The following BST1 variants were observed in gnomAD, a reference collection of about 807,000 sequenced individuals.
BST1 encodes bone marrow stromal cell antigen 1.
BST1 carries 49 observed loss-of-function variants against 40.6 expected under a neutral mutation model. The observed-to-expected ratio is 1.21, with a 90% confidence interval of 0.96 to 1.53. The LOEUF (loss-of-function observed/expected upper bound fraction) is 1.53. Ranked by LOEUF, BST1 falls within the 40% of genes most tolerant of loss-of-function variation. BST1 has a pLI of 0.00. For synonymous variants in BST1, 157 were observed against 159.3 expected (o/e 0.99, Z 0.11); for missense variants, 423 against 395.9 (o/e 1.07, Z -0.58).
chr4:15,762,426 A>G, the BST1 span, among the ~76,000 whole-genome samples: 48 of 151,994 alleles, frequency 3.2e-4, 1 homozygote, highest in African/African-American at 1.1e-3. Flanking sequence ...TATTACATTT[A>G]AAGTTCATTT....
chr4:15,746,633 A>G, the BST1 span, among the ~76,000 whole-genome samples: 1 of 152,168 alleles, frequency 6.6e-6, no homozygotes, highest in South Asian at 2.1e-4. Context: ...CCACCCCTTA[A>G]TATGGTTACT....
intron 2 of BST1, among the ~76,000 whole-genome samples, chr4:15,706,738 T>C (rs1719898725): frequency 6.6e-6 from 1 of 152,236 alleles, no homozygotes; most frequent in Non-Finnish European, 1.5e-5. Flanking sequence ...TGAACCTTGC[T>C]GCCCTCCTGT....
the BST1 span, among the ~76,000 whole-genome samples, chr4:15,766,309 G>T: frequency 6.6e-6 from 1 of 151,912 alleles, no homozygotes; most frequent in African/African-American, 2.4e-5. Flanking sequence ...GAAGGTTAAG[G>T]AAAAACAACT....
At chr4:15,758,076 A>T in the BST1 span, among the ~76,000 whole-genome samples, 1 of 152,232 alleles carries the variant, frequency 6.6e-6, no homozygotes, top group Non-Finnish European at 1.5e-5. Flanking sequence ...TATAATTTAT[A>T]AATACAATGT....
intron 8 of BST1, among the ~76,000 whole-genome samples, chr4:15,724,990 C>A (rs553814860): frequency 6.6e-6 from 1 of 152,228 alleles, no homozygotes; most frequent in African/African-American, 2.4e-5. Flanking sequence ...TTCAACTGGG[C>A]GTGGCAGAGT....
chr4:15,740,913 T>G (rs1398682275), downstream of BST1, among the ~76,000 whole-genome samples: 1 of 151,634 alleles, frequency 6.6e-6, no homozygotes, highest in Admixed American at 6.6e-5. Context: ...CCATGCAACC[T>G]CTGTCGCAAC....
downstream of BST1, among the ~76,000 whole-genome samples, chr4:15,736,603 C>T (rs1388973463): frequency 2.7e-5 from 4 of 150,298 alleles, no homozygotes; most frequent in African/African-American, 9.8e-5. Context: ...GAGTGAGACT[C>T]TGTCTCCAAA....
rs146983604 is a variant in BST1 at position 15,726,551 on chromosome 4, G to A, written c.851+3617G>A. Among the ~76,000 whole-genome samples, 201 of 152,284 alleles carry A rather than the reference G, an allele frequency of 1.3e-3. 1 individual carries two copies. The highest frequency in any genetic ancestry group is 4.5e-3 in the African/African-American group (188 of 41,560). On this transcript the variant is annotated intron_variant, in intron 8 of 8. Transcript: ENST00000265016. Reference sequence around the variant, plus strand: ...GTGTGGCTCACTTATGTGGAAAAGGGGGAATAAAGTTGTTGCAAAGATTAG... The same window carrying A: ...GTGTGGCTCACTTATGTGGAAAAGGAGGAATAAAGTTGTTGCAAAGATTAG...
At position 15,705,761 on chromosome 4, in the gene BST1, C is replaced by CAGGGCTGTGTGCTG. The variant is rs1719848774; in HGVS notation, c.315+122_315+123insGGCTGTGTGCTGAG. 16 of 1,334,916 alleles carry CAGGGCTGTGTGCTG rather than the reference C, an allele frequency of 1.2e-5. No individual in the cohort carries two copies. The South Asian group carries it at 2.0e-4, about 17-fold the overall frequency. 82.7% of individuals were successfully genotyped at this position (1,334,916 alleles called of 1,614,324 possible). A position where few individuals can be genotyped will look rare whatever the true frequency, so the allele number is the denominator to read the frequency against. On this transcript the variant is annotated intron_variant, in intron 2 of 8. Coordinates refer to ENST00000265016, the MANE Select transcript of BST1 (RefSeq NM_004334.3). ...CCTGCAATGTCACAGAAACATCAGG[C>CAGGGCTGTGTGCTG]AGCACACATAATGTGTGTGCTGAGC...
At chr4:15,725,576 A>T (rs971638836) in intron 8 of BST1, among the ~76,000 whole-genome samples, 7 of 152,172 alleles carry the variant, frequency 4.6e-5, no homozygotes, top group Admixed American at 4.6e-4. Flanking sequence ...TCAGACTTCT[A>T]GTCCCATCTT....
the BST1 span, among the ~76,000 whole-genome samples, chr4:15,747,373 C>A: frequency 6.6e-6 from 1 of 151,884 alleles, no homozygotes; most frequent in Admixed American, 6.6e-5. Flanking sequence ...TTGCTGCCAC[C>A]AAGCCTCCAC....
At chr4:15,769,832 T>C in the BST1 span, among the ~76,000 whole-genome samples, 1 of 152,106 alleles carries the variant, frequency 6.6e-6, no homozygotes, top group Non-Finnish European at 1.5e-5. Flanking sequence ...TTTCCACTTT[T>C]AAAATGTAGT....
downstream of BST1, among the ~76,000 whole-genome samples, chr4:15,735,039 G>A (rs528596869): frequency 1.2e-4 from 19 of 152,272 alleles, no homozygotes; most frequent in African/African-American, 3.4e-4. Flanking sequence ...GCTCAGCTGG[G>A]CTCCTCTAAC....
chr4:15,715,761 CG>C lies in BST1; in HGVS notation c.667del (p.Glu223ArgfsTer21). 6.3e-7 allele frequency: 1 copy of C among 1,598,466 alleles called. No homozygotes were observed. The highest frequency in any genetic ancestry group is 8.5e-7 in the Non-Finnish European group (1 of 1,175,060). On this transcript the variant is annotated frameshift_variant, in exon 6 of 9. Transcript: ENST00000265016. LOFTEE classifies it high-confidence loss of function. Reference sequence around the variant, plus strand: ...TCCAGAAGGAAAAAATTACACGAATCGAGATCTGGGTTATGCATGAAATTGG... The same window carrying C: ...TCCAGAAGGAAAAAATTACACGAATCAGATCTGGGTTATGCATGAAATTGG... ...NLQKEKITRI[E>X]IWVMHEIGGP...
At chr4:15,710,691 C>T (rs1219336594) in intron 3 of BST1, among the ~76,000 whole-genome samples, 1 of 152,190 alleles carries the variant, frequency 6.6e-6, no homozygotes. Context: ...TATTTGTTTT[C>T]CTGTACCTGG....
chr4:15,746,513 G>C, the BST1 span, among the ~76,000 whole-genome samples: 3 of 152,208 alleles, frequency 2.0e-5, no homozygotes, highest in Non-Finnish European at 4.4e-5. Flanking sequence ...CATGAGGCAG[G>C]GAGAGAAGTG....
downstream of BST1, among the ~76,000 whole-genome samples, chr4:15,735,058 T>C (rs1721505009): frequency 6.6e-6 from 1 of 152,182 alleles, no homozygotes; most frequent in African/African-American, 2.4e-5. Context: ...ACCAAGTTGC[T>C]TGGTGCTCTA....
downstream of BST1, among the ~76,000 whole-genome samples, chr4:15,735,461 G>A (rs1721521956): frequency 6.6e-6 from 1 of 152,134 alleles, no homozygotes; most frequent in Admixed American, 6.5e-5. Flanking sequence ...AGGAGGCCAG[G>A]GAGGGTACAA....
the BST1 span, among the ~76,000 whole-genome samples, chr4:15,756,789 C>T: frequency 6.6e-6 from 1 of 152,138 alleles, no homozygotes; most frequent in African/African-American, 2.4e-5. Flanking sequence ...AATGGCCAGC[C>T]ATATCTCTTT....
Sources: allele counts gnomAD v4.1 joint callset (sites outside exome capture counted in the v4.1 genomes callset), GRCh38; gene constraint gnomAD v4.1.1; transcripts MANE v1.5; gene names NCBI Gene and HGNC (gene_info 2026-07-23, HGNC 2026-07-21).